The following MYO6 variants were observed in gnomAD, a reference collection of about 807,000 sequenced individuals.
The protein encoded by MYO6 is myosin VI, also known as unconventional myosin-VI.
A neutral mutation model predicts 178.7 loss-of-function variants in MYO6; 74 were observed. That is an observed-to-expected ratio of 0.41 (90% CI 0.34 to 0.50). The LOEUF (loss-of-function observed/expected upper bound fraction) is 0.50. MYO6 is among the 20% of genes least tolerant of loss of function. The probability of loss-of-function intolerance (pLI) is 0.09; values close to 1 mark genes in which losing one functional copy is unlikely to be tolerated. For missense variants in MYO6, 1,330 were observed against 1,547.4 expected, an observed-to-expected ratio of 0.86 and a Z score of 2.36; for synonymous variants, 477 against 504.6, an observed-to-expected ratio of 0.95 and a Z score of 0.73.
At chr6:75,907,348 T>C (rs566232365) in intron 30 of MYO6, among the ~76,000 whole-genome samples, 1 of 152,200 alleles carries the variant, frequency 6.6e-6, no homozygotes, top group South Asian at 2.1e-4. Flanking sequence ...TGGGGGAAGT[T>C]TGTGGAACTA....
chr6:75,796,132 C>CT (rs35164881), intron 1 of MYO6, among the ~76,000 whole-genome samples: 2 of 152,116 alleles, frequency 1.3e-5, no homozygotes, highest in African/African-American at 2.4e-5. Context: ...GCTTTTGGTG[C>CT]TTTTTTCCCA....
At chr6:75,825,541 C>T (rs1201652989) in intron 3 of MYO6, among the ~76,000 whole-genome samples, 2 of 152,060 alleles carry the variant, frequency 1.3e-5, no homozygotes, top group African/African-American at 4.8e-5. Context: ...TGCAGTGAGC[C>T]GAGATCACGC....
At chr6:75,814,484 A>G (rs1291594652) in intron 1 of MYO6, among the ~76,000 whole-genome samples, 2 of 152,144 alleles carry the variant, frequency 1.3e-5, no homozygotes, top group African/African-American at 2.4e-5. Flanking sequence ...GGAGCCTTCT[A>G]TTAAGCCATC....
At chr6:75,786,938 GT>G (rs1767626100) in intron 1 of MYO6, among the ~76,000 whole-genome samples, 1 of 152,206 alleles carries the variant, frequency 6.6e-6, no homozygotes, top group Non-Finnish European at 1.5e-5. Flanking sequence ...TGTTTTCGGA[GT>G]TCACATGTCT....
intron 3 of MYO6, among the ~76,000 whole-genome samples, chr6:75,823,584 A>G (rs1015556217): frequency 2.0e-5 from 3 of 152,234 alleles, no homozygotes; most frequent in African/African-American, 7.2e-5. Context: ...TCTCCATTTG[A>G]GAAGAAAAGG....
intron 9 of MYO6, 86 bp from the exon 10 acceptor site, chr6:75,844,811 G>A: frequency 9.8e-7 from 1 of 1,015,830 alleles, no homozygotes; most frequent in Non-Finnish European, 1.6e-6. Context: ...CTTCATGGTT[G>A]GCACTATTTG....
Position 75,787,323 on chromosome 6 carries a change from C to T in MYO6, c.-47-30178C>T, listed in dbSNP as rs1399873566. On this transcript the variant is annotated intron_variant, in intron 1 of 34. Transcript: ENST00000369977. ...GTAGCAGCTTTATTAATAGTTACCC[C>T]AAATTGGAAACAATTCCAGTATCCA... 3.3e-5 allele frequency among the ~76,000 whole-genome samples: 5 copies of T among 152,116 alleles called. No individual in the cohort carries two copies. The East Asian group carries it at 9.6e-4, about 29-fold the overall frequency.
intron 1 of MYO6, among the ~76,000 whole-genome samples, chr6:75,784,449 T>C (rs62414772): frequency 0.041 from 6,169 of 151,854 alleles, 168 homozygotes; most frequent in Middle Eastern, 0.068. Flanking sequence ...CAGCTTTCCA[T>C]AGGATATGGC....
intron 9 of MYO6, 102 bp downstream of exon 9, chr6:75,841,480 G>A: frequency 1.7e-6 from 2 of 1,161,028 alleles, no homozygotes; most frequent in Non-Finnish European, 1.2e-6. Flanking sequence ...CTTGAGCCTG[G>A]GAGTTCGAGA....
intron 1 of MYO6, among the ~76,000 whole-genome samples, chr6:75,801,620 G>A (rs978618034): frequency 1.3e-5 from 2 of 152,098 alleles, no homozygotes; most frequent in African/African-American, 4.8e-5. Flanking sequence ...GGAGTTGAAA[G>A]TTAAAGTGGC....
chr6:75,879,650 A>G (rs934812406), intron 20 of MYO6, among the ~76,000 whole-genome samples, 170 bp from the exon 21 acceptor site: 7 of 152,176 alleles, frequency 4.6e-5, no homozygotes, highest in Admixed American at 2.0e-4. Context: ...TAGGTGGTGG[A>G]TAAGTTGGGA....
intron 13 of MYO6, 72 bp from the exon 14 acceptor site, chr6:75,858,830 C>G (rs970313953): frequency 1.1e-6 from 1 of 882,422 alleles, no homozygotes; most frequent in African/African-American, 1.7e-5. Flanking sequence ...ATTACAATTA[C>G]ATTTTATCCT....
chr6:75,798,056 A>G (rs1342977167), intron 1 of MYO6, among the ~76,000 whole-genome samples: 2 of 152,138 alleles, frequency 1.3e-5, no homozygotes, highest in Admixed American at 6.5e-5. Flanking sequence ...ATTCTTAGCC[A>G]AGGCCAGTGT....
At chr6:75,907,194 C>T (rs1310531035) in intron 30 of MYO6, among the ~76,000 whole-genome samples, 3 of 152,178 alleles carry the variant, frequency 2.0e-5, no homozygotes. Context: ...AGCCTCATTG[C>T]TCATAAACAA....
At chr6:75,787,503 T>C (rs1391858505) in intron 1 of MYO6, among the ~76,000 whole-genome samples, 1 of 151,768 alleles carries the variant, frequency 6.6e-6, no homozygotes, top group Non-Finnish European at 1.5e-5. Context: ...CATGATTCCA[T>C]ATATATGAAA....
At chr6:75,896,508 C>G (rs192011613) in intron 29 of MYO6, among the ~76,000 whole-genome samples, 16 of 152,342 alleles carry the variant, frequency 1.1e-4, no homozygotes, top group African/African-American at 3.8e-4. Flanking sequence ...GTACAATATT[C>G]TCTCAATTAC....
intron 1 of MYO6, among the ~76,000 whole-genome samples, chr6:75,768,885 G>A (rs962128865): frequency 6.6e-6 from 1 of 152,190 alleles, no homozygotes; most frequent in African/African-American, 2.4e-5. Flanking sequence ...ACAGGGTTCT[G>A]TAGGATGTAG....
Position 75,861,059 on chromosome 6 carries a change from A to G in MYO6, c.1510A>G (p.Asn504Asp), listed in dbSNP as rs752409337. ...ELYQKEGLGV[N>D]EVHYVDNQDC... ...CTATCAAAAAGAAGGTTTAGGTGTT[A>G]ATGAAGTGCATTATGTGGATAATCA... Residue 504 changes from asparagine to aspartate, a missense_variant, in exon 15 of 35, where the codon AAT becomes GAT. Asn to Asp is a conservative substitution (Grantham distance 23, BLOSUM62 1). Coordinates refer to ENST00000369977, the MANE Select transcript of MYO6 (RefSeq NM_004999.4). 1.2e-6 allele frequency: 2 copies of G among 1,610,504 alleles called. No homozygotes were observed. Among genetic ancestry groups the G allele is most frequent in the Non-Finnish European group, 1.7e-6 (2 of 1,176,976 alleles).
chr6:75,810,356 T>C (rs893352229), intron 1 of MYO6, among the ~76,000 whole-genome samples: 4 of 152,134 alleles, frequency 2.6e-5, no homozygotes, highest in Admixed American at 2.6e-4. Flanking sequence ...TGGAGTAAAA[T>C]ATTTGATTCT....
Sources: allele counts gnomAD v4.1 joint callset (sites outside exome capture counted in the v4.1 genomes callset), GRCh38; gene constraint gnomAD v4.1.1; transcripts MANE v1.5; gene names NCBI Gene and HGNC (gene_info 2026-07-23, HGNC 2026-07-21).